Variants in FAP observed in about 807,000 individuals in gnomAD.
FAP encodes prolyl endopeptidase FAP.
FAP carries 110 observed loss-of-function variants against 126.5 expected under a neutral mutation model. The ratio of observed to expected loss-of-function variants is 0.87; its 90% CI spans 0.74 to 1.02. The LOEUF is 1.02. FAP is among the 50% of genes least tolerant of loss of function. The pLI is 0.00. For synonymous variants in FAP, 334 were observed against 297.3 expected, an observed-to-expected ratio of 1.12 and a Z score of -1.27; for missense variants, 919 against 909.2, an observed-to-expected ratio of 1.01 and a Z score of -0.14.
chr2:162,242,749 T>G (rs1361698803), intron 2 of FAP, among the ~76,000 whole-genome samples, 159 bp downstream of exon 2: 1 of 152,206 alleles, frequency 6.6e-6, no homozygotes, highest in Non-Finnish European at 1.5e-5. Context: ...TTTCTGGTCT[T>G]GCACAACAAC....
chr2:162,179,812 A>ATTTTTTTT (rs1206502227), intron 21 of FAP, among the ~76,000 whole-genome samples: 6 of 90,524 alleles, frequency 6.6e-5, no homozygotes, highest in African/African-American at 2.2e-4. Flanking sequence ...ATATATATAT[A>ATTTTTTTT]TTTTTTTTTT....
intron 24 of FAP, 114 bp downstream of exon 24, chr2:162,173,035 C>T: frequency 8.7e-7 from 1 of 1,149,798 alleles, no homozygotes; most frequent in South Asian, 1.2e-5. Context: ...TGGAAATGTC[C>T]CTGACTCTTA....
chr2:162,200,475 T>G, intron 15 of FAP, 91 bp downstream of exon 15: 1 of 707,698 alleles, frequency 1.4e-6, no homozygotes, highest in Non-Finnish European at 2.4e-6. Flanking sequence ...TGTGCCATAC[T>G]TTAAAAATAT....
chr2:162,230,189 A>G (rs1689839128), intron 2 of FAP, among the ~76,000 whole-genome samples: 1 of 152,204 alleles, frequency 6.6e-6, no homozygotes, highest in South Asian at 2.1e-4. Flanking sequence ...TTCCTGCTAA[A>G]CATGACCACG....
At chr2:162,232,077 G>T (rs531951353) in intron 2 of FAP, among the ~76,000 whole-genome samples, 2 of 152,172 alleles carry the variant, frequency 1.3e-5, no homozygotes, top group South Asian at 4.1e-4. Context: ...ACAGGGGCAA[G>T]GACAGGAAGT....
intron 22 of FAP, among the ~76,000 whole-genome samples, chr2:162,174,159 T>C (rs993172166): frequency 6.6e-6 from 1 of 152,140 alleles, no homozygotes; most frequent in Non-Finnish European, 1.5e-5. Context: ...TCTTTAGGAC[T>C]TTTACTGGTG....
At chr2:162,220,952 T>C (rs1265762303) in intron 6 of FAP, among the ~76,000 whole-genome samples, 2 of 152,120 alleles carry the variant, frequency 1.3e-5, no homozygotes, top group African/African-American at 4.8e-5. Flanking sequence ...CAAAAAAAGC[T>C]CTCCAACCTG....
intron 2 of FAP, among the ~76,000 whole-genome samples, chr2:162,234,419 A>T (rs1419019038): frequency 6.6e-6 from 1 of 152,066 alleles, no homozygotes; most frequent in African/African-American, 2.4e-5. Context: ...ATCTTTATAC[A>T]TGGATCTCGT....
chr2:162,186,357 A>G (rs1171960980), intron 20 of FAP, among the ~76,000 whole-genome samples: 2 of 152,140 alleles, frequency 1.3e-5, no homozygotes, highest in Non-Finnish European at 2.9e-5. Flanking sequence ...TTCAATTCTA[A>G]ATGCCAAAGA....
At chr2:162,175,988 G>T (rs577361128) in intron 21 of FAP, 1 of 152,072 alleles carries the variant, frequency 6.6e-6, no homozygotes, top group East Asian at 1.9e-4. Flanking sequence ...ATGCAAGAAC[G>T]TCCCTAAAAA....
At chr2:162,214,168 T>C in intron 10 of FAP, 95 bp from the exon 11 acceptor site, 1 of 1,090,508 alleles carries the variant, frequency 9.2e-7, no homozygotes, top group South Asian at 1.9e-5. Flanking sequence ...TATATGTCAT[T>C]ATTATACATT....
chr2:162,220,969 A>G (rs1198367689), intron 6 of FAP, among the ~76,000 whole-genome samples: 1 of 152,210 alleles, frequency 6.6e-6, no homozygotes. Flanking sequence ...CCTGGAGCTA[A>G]CATGTGCCTG....
intron 2 of FAP, among the ~76,000 whole-genome samples, chr2:162,239,091 A>G (rs1690249238): frequency 6.6e-6 from 1 of 152,174 alleles, no homozygotes; most frequent in South Asian, 2.1e-4. Context: ...TTTTGGTCTC[A>G]TAGCTCTGTC....
chr2:162,183,546 T>C (rs1687764233), intron 20 of FAP, 78 bp from the exon 21 acceptor site: 2 of 824,908 alleles, frequency 2.4e-6, no homozygotes, highest in Non-Finnish European at 4.1e-6. Context: ...CCATATTTAA[T>C]CCAAAGATTT....
In FAP at chr2:162,189,175, T is replaced by C. The variant is rs1482790528; in HGVS notation, c.1550-3A>G. On this transcript the variant is annotated splice_region_variant and splice_polypyrimidine_tract_variant and intron_variant, in intron 18 of 25. Transcript: ENST00000188790. The stretch of plus-strand genomic sequence containing the variant: ...AAGAATCATCTTGTACCATAAAGCT[T>C]TGAGGAAAAAAAAAGGAGAAAAATC... 1.1e-5 allele frequency: 18 copies of C among 1,584,166 alleles called. No homozygotes were observed. Among genetic ancestry groups the C allele is most frequent in the Non-Finnish European group, 1.5e-5 (18 of 1,163,788 alleles).
chr2:162,241,767 C>T (rs1262410979), intron 2 of FAP, among the ~76,000 whole-genome samples: 1 of 152,148 alleles, frequency 6.6e-6, no homozygotes, highest in African/African-American at 2.4e-5. Flanking sequence ...ACACACACTA[C>T]ATACCTCTCA....
At chr2:162,199,053 T>G (rs1424603161) in intron 15 of FAP, among the ~76,000 whole-genome samples, 172 bp from the exon 16 acceptor site, 2 of 152,222 alleles carry the variant, frequency 1.3e-5, no homozygotes, top group Admixed American at 1.3e-4. Context: ...TGTAGCTTGA[T>G]TTTTGATCCA....
chr2:162,224,411 C>T (rs1689545153), intron 5 of FAP, 55 bp downstream of exon 5: 1 of 1,072,972 alleles, frequency 9.3e-7, no homozygotes, highest in Non-Finnish European at 1.4e-6. Context: ...TTTTAAACCA[C>T]CTTGTGGATT....
At position 162,228,965 on chromosome 2, in the gene FAP, G is replaced by T. The variant is rs1689776905; in HGVS notation, c.92-2344C>A. 2.6e-5 allele frequency among the ~76,000 whole-genome samples: 4 copies of T among 152,160 alleles called. No homozygotes were observed. In the South Asian group the frequency reaches 8.3e-4, roughly 32 times the overall value. ...CTACACAATCCTGAATATCTAGATG[G>T]AAAATTTAAAAATGTATAAAGTCCA... On this transcript the variant is annotated intron_variant, in intron 2 of 25. Coordinates refer to ENST00000188790, the MANE Select transcript of FAP (RefSeq NM_004460.5).
Sources: gnomAD v4.1 joint callset for allele counts (sites outside exome capture counted in the v4.1 genomes callset) on GRCh38, gnomAD v4.1.1 for gene constraint, MANE v1.5 for transcripts, NCBI Gene and HGNC (gene_info 2026-07-23, HGNC 2026-07-21) for gene names.